APBA2: variants seen among roughly 807,000 people sequenced by gnomAD.
The protein encoded by APBA2 is amyloid-beta A4 precursor protein-binding family A member 2.
Under a neutral mutation model 75.0 loss-of-function variants are expected in APBA2, and 30 were observed. That is an observed-to-expected ratio of 0.40 (90% CI 0.30 to 0.54). The LOEUF is 0.54. Ranked by LOEUF, APBA2 falls within the 20% of genes least tolerant of loss-of-function variation. APBA2 has a pLI of 0.49. For missense variants in APBA2, 801 were observed against 1,016.1 expected, an observed-to-expected ratio of 0.79 and a Z score of 2.88; for synonymous variants, 444 against 409.6, an observed-to-expected ratio of 1.08 and a Z score of -1.01.
chr15:28,915,134 A>G (rs2033617457), intron 1 of APBA2, among the ~76,000 whole-genome samples: 1 of 9,802 alleles, frequency 1.0e-4, no homozygotes, highest in African/African-American at 5.4e-4. Flanking sequence ...CTTAACCCAT[A>G]TATACCACAC....
At position 28,899,134 on chromosome 15, in the gene APBA2, C is replaced by T. The variant is rs946703452; in HGVS notation, c.-205+12856C>T. Among the ~76,000 whole-genome samples, 38 of 152,316 alleles carry T rather than the reference C, an allele frequency of 2.5e-4. 1 individual carries two copies. Among genetic ancestry groups the T allele is most frequent in the Middle Eastern group, 3.4e-3 (1 of 294 alleles). On this transcript the variant is annotated intron_variant, in intron 1 of 14. Transcript: ENST00000683413. The stretch of plus-strand genomic sequence containing the variant: ...GAGATGTGGCGCATGGAGAACTCAT[C>T]GGGGGCAGCCCCATGTCCTCGCAGC...
At chr15:29,048,702 G>A (rs1304489285) in intron 3 of APBA2, among the ~76,000 whole-genome samples, 1 of 152,078 alleles carries the variant, frequency 6.6e-6, no homozygotes, top group African/African-American at 2.4e-5. Flanking sequence ...TTGGGAGGCT[G>A]AGGCAGGTGA....
rs182170948 is a variant in APBA2, at chr15:28,975,475, C to T, written c.-94-20278C>T. On this transcript the variant is annotated intron_variant, in intron 2 of 14. Transcript: ENST00000683413. The stretch of plus-strand genomic sequence containing the variant: ...CATTTGGAAAAAGATAAAATTTTGT[C>T]GATATCTTTCATCATCTACAAGCAT... Among the ~76,000 whole-genome samples, 8 of 152,170 alleles carry T rather than the reference C, an allele frequency of 5.3e-5. No homozygotes were observed. In the East Asian group the frequency reaches 5.8e-4, roughly 11 times the overall value.
chr15:28,941,068 G>T (rs745400174), intron 2 of APBA2, among the ~76,000 whole-genome samples: 1 of 152,146 alleles, frequency 6.6e-6, no homozygotes, highest in African/African-American at 2.4e-5. Flanking sequence ...AACCTAATCC[G>T]TCACCTTTGG....
chr15:29,062,760 G>A (rs914222657), intron 4 of APBA2, among the ~76,000 whole-genome samples: 1 of 152,182 alleles, frequency 6.6e-6, no homozygotes, highest in Non-Finnish European at 1.5e-5. Context: ...CCTAGTCCTC[G>A]GGGAGAAAGC....
chr15:29,095,626 T>C (rs751819278), intron 8 of APBA2, among the ~76,000 whole-genome samples: 10 of 152,214 alleles, frequency 6.6e-5, no homozygotes, highest in Non-Finnish European at 1.5e-4. Flanking sequence ...GCAGGAGATT[T>C]AGTTCCCCCT....
chr15:29,035,951 C>A (rs1369834886), intron 3 of APBA2, among the ~76,000 whole-genome samples: 1 of 152,162 alleles, frequency 6.6e-6, no homozygotes, highest in Non-Finnish European at 1.5e-5. Flanking sequence ...GAGCGCCCCC[C>A]TACCTGGGGA....
chr15:29,051,927 C>T (rs1232554960), intron 3 of APBA2, among the ~76,000 whole-genome samples: 1 of 152,218 alleles, frequency 6.6e-6, no homozygotes, highest in Non-Finnish European at 1.5e-5. Flanking sequence ...CACTTCTCCA[C>T]TGTCCTCTCT....
chr15:28,887,198 C>G (rs933977396), intron 1 of APBA2, among the ~76,000 whole-genome samples: 3 of 152,222 alleles, frequency 2.0e-5, no homozygotes, highest in African/African-American at 7.2e-5. Flanking sequence ...GTGCAGTCAG[C>G]TCCTAAATGG....
At chr15:29,075,451 T>C (rs1275173520) in intron 5 of APBA2, among the ~76,000 whole-genome samples, 4 of 152,166 alleles carry the variant, frequency 2.6e-5, no homozygotes, top group African/African-American at 4.8e-5. Flanking sequence ...CTCAACCCAC[T>C]AGATCCTTGT....
intron 2 of APBA2, among the ~76,000 whole-genome samples, chr15:28,988,336 T>C (rs2038036977): frequency 6.6e-6 from 1 of 151,724 alleles, no homozygotes; most frequent in Non-Finnish European, 1.5e-5. Context: ...TGATCTCGGC[T>C]CACGGCAAGC....
At chr15:29,082,922 C>T (rs1005341605) in intron 6 of APBA2, among the ~76,000 whole-genome samples, 3 of 151,902 alleles carry the variant, frequency 2.0e-5, no homozygotes, top group Non-Finnish European at 4.4e-5. Context: ...ATAAACTGAG[C>T]GCAGCAGCAC....
chr15:28,898,858 A>G (rs941405326), intron 1 of APBA2, among the ~76,000 whole-genome samples: 2 of 152,230 alleles, frequency 1.3e-5, no homozygotes, highest in African/African-American at 4.8e-5. Context: ...AAATGCTACT[A>G]AATATTCAGA....
intron 6 of APBA2, among the ~76,000 whole-genome samples, chr15:29,081,072 T>A (rs2043063518): frequency 1.3e-5 from 2 of 152,192 alleles, no homozygotes; most frequent in South Asian, 4.1e-4. Context: ...GACCTGGAGC[T>A]GAGCTCACCT....
At chr15:29,108,520 C>A in intron 13 of APBA2, 131 bp downstream of exon 13, 2 of 1,435,026 alleles carry the variant, frequency 1.4e-6, no homozygotes, top group Non-Finnish European at 1.9e-6. Context: ...CAGCTGCCCA[C>A]AGCCAGGCCA....
chr15:29,091,990 G>C (rs777385265), intron 6 of APBA2, among the ~76,000 whole-genome samples: 3 of 152,222 alleles, frequency 2.0e-5, no homozygotes, highest in Non-Finnish European at 4.4e-5. Context: ...GGATAAAGCA[G>C]GTGACATGGC....
At chr15:28,968,944 T>C (rs2036886011) in intron 2 of APBA2, among the ~76,000 whole-genome samples, 1 of 151,998 alleles carries the variant, frequency 6.6e-6, no homozygotes, top group Non-Finnish European at 1.5e-5. Flanking sequence ...AATAGGCTAC[T>C]CTTTTTTTTT....
intron 9 of APBA2, 24 bp from the exon 10 acceptor site, chr15:29,101,575 G>A (rs541634742): frequency 3.4e-5 from 54 of 1,609,128 alleles, no homozygotes; most frequent in African/African-American, 9.3e-5. Context: ...GTTCCCTGAC[G>A]TGGCACTGTC....
At chr15:28,951,280 A>T (rs1434284719) in intron 2 of APBA2, among the ~76,000 whole-genome samples, 1 of 152,220 alleles carries the variant, frequency 6.6e-6, no homozygotes, top group Non-Finnish European at 1.5e-5. Context: ...AGCATTGAGG[A>T]TTATGGTATC....
Sources: allele counts gnomAD v4.1 joint callset (sites outside exome capture counted in the v4.1 genomes callset), GRCh38; gene constraint gnomAD v4.1.1; transcripts MANE v1.5; gene names NCBI Gene and HGNC (gene_info 2026-07-23, HGNC 2026-07-21).